The following ATP10A variants were observed in gnomAD, a reference collection of about 807,000 sequenced individuals.
The protein encoded by ATP10A is phospholipid-transporting ATPase VA.
ATP10A carries 111 observed loss-of-function variants against 147.8 expected under a neutral mutation model. That is an observed-to-expected ratio of 0.75 (90% CI 0.64 to 0.88). The LOEUF (loss-of-function observed/expected upper bound fraction) is 0.88, where lower values mean the gene tolerates loss of function less well. Ranked by LOEUF, ATP10A falls within the 40% of genes least tolerant of loss-of-function variation. The pLI, the probability that ATP10A is intolerant of heterozygous loss-of-function variation, is 0.00. For missense variants in ATP10A, 1,927 were observed against 1,959.0 expected (o/e 0.98, Z 0.31); for synonymous variants, 875 against 841.6 (o/e 1.04, Z -0.69).
intron 2 of ATP10A, among the ~76,000 whole-genome samples, chr15:25,779,160 C>T (rs780260903): frequency 6.6e-6 from 1 of 152,164 alleles, no homozygotes; most frequent in Non-Finnish European, 1.5e-5. Context: ...TACAGGCATG[C>T]GCCACCATGC....
In ATP10A at chr15:25,747,112, C is replaced by G. The variant is rs552757072; in HGVS notation, c.655-10971G>C. Among the ~76,000 whole-genome samples the G allele has an allele frequency of 4.6e-5, 7 of 152,078 alleles. No individual in the cohort carries two copies. The East Asian group carries it at 1.4e-3, about 29-fold the overall frequency. Reference sequence around the variant, plus strand: ...GGCCAGCCTGGCCAATATGATGAAACCCCATCTCTACTATAACTACAAAAC... The same window carrying G: ...GGCCAGCCTGGCCAATATGATGAAAGCCCATCTCTACTATAACTACAAAAC... On this transcript the variant is annotated intron_variant, in intron 2 of 20. Coordinates refer to ENST00000555815, the MANE Select transcript of ATP10A (RefSeq NM_024490.4).
intron 9 of ATP10A, among the ~76,000 whole-genome samples, chr15:25,714,965 T>TACACACACACAC (rs10523875): frequency 6.9e-6 from 1 of 145,612 alleles, no homozygotes. Context: ...ATGACACATA[T>TACACACACACAC]ACACACACAC....
intron 2 of ATP10A, among the ~76,000 whole-genome samples, chr15:25,776,881 C>T (rs1249323248): frequency 6.6e-6 from 1 of 152,164 alleles, no homozygotes; most frequent in Admixed American, 6.5e-5. Flanking sequence ...GAGACCTCTC[C>T]ATCCTGGCCT....
chr15:25,681,383 C>T (rs772559424), intron 17 of ATP10A, among the ~76,000 whole-genome samples: 22 of 152,170 alleles, frequency 1.4e-4, no homozygotes, highest in Non-Finnish European at 2.8e-4. Flanking sequence ...CATCTCAAAA[C>T]GATCATGAAA....
chr15:25,816,253 G>C lies in ATP10A; in HGVS notation c.450-35030C>G, dbSNP rs531973055. ...TATTTTGCTTTGTTTTTTTTGATGA[G>C]GGGTCTCACTTTGTTGACCAGGCTG... On this transcript the variant is annotated intron_variant, in intron 1 of 20. Coordinates refer to ENST00000555815, the MANE Select transcript of ATP10A (RefSeq NM_024490.4). Among the ~76,000 whole-genome samples, 22 of 149,960 alleles carry C rather than the reference G, an allele frequency of 1.5e-4. No homozygotes were observed. The East Asian group carries it at 2.5e-3, about 17-fold the overall frequency.
intron 1 of ATP10A, among the ~76,000 whole-genome samples, chr15:25,793,651 T>C (rs1280079311): frequency 2.6e-5 from 4 of 152,234 alleles, no homozygotes; most frequent in African/African-American, 9.6e-5. Context: ...TTGGTTAGCA[T>C]AGCATGCTTG....
Position 25,863,191 on chromosome 15 carries a change from C to G in ATP10A, c.-95G>C, listed in dbSNP as rs1034671661. The G allele has an allele frequency of 4.5e-6, 4 of 880,968 alleles. No individual in the cohort carries two copies. In the African/African-American group the frequency reaches 7.2e-5, roughly 16 times the overall value. The allele number at this position is 880,968 out of a possible 1,614,324, so 54.6% of individuals were successfully genotyped here. A position where few individuals can be genotyped will look rare whatever the true frequency, so the allele number is the denominator to read the frequency against. On this transcript the variant is annotated 5_prime_UTR_variant, in exon 1 of 21. Transcript: ENST00000555815. ...CACTCGCGGCCCGGGCGCGGCGGTG[C>G]GAGCTCCCCGCCTGCGGGACGCACG...
At chr15:25,811,328 G>C (rs1038203114) in intron 1 of ATP10A, among the ~76,000 whole-genome samples, 2 of 152,144 alleles carry the variant, frequency 1.3e-5, no homozygotes, top group Non-Finnish European at 2.9e-5. Context: ...TTTTCTTTCT[G>C]CCCAGTTCTA....
At chr15:25,803,878 GTGC>G (rs1276771979) in intron 1 of ATP10A, among the ~76,000 whole-genome samples, 1 of 152,228 alleles carries the variant, frequency 6.6e-6, no homozygotes, top group Non-Finnish European at 1.5e-5. Context: ...TGGCACGCAC[GTGC>G]TGCTGCTGGT....
chr15:25,806,115 T>TC (rs1254161674), intron 1 of ATP10A, among the ~76,000 whole-genome samples: 1 of 152,172 alleles, frequency 6.6e-6, no homozygotes, highest in Non-Finnish European at 1.5e-5. Context: ...GTGGTTTTTT[T>TC]CTAACAAAAG....
rs1005980546 is a variant in ATP10A, at chr15:25,775,882, C to T, written c.654+5137G>A. On this transcript the variant is annotated intron_variant, in intron 2 of 20. Coordinates refer to ENST00000555815, the MANE Select transcript of ATP10A (RefSeq NM_024490.4). ...GGACAGCCCTGTCCCCGCCTCACCC[C>T]GGCTGAAATTCCAACACTCATCTGA... 3.3e-5 allele frequency among the ~76,000 whole-genome samples: 5 copies of T among 152,376 alleles called. No individual in the cohort carries two copies. The East Asian group carries it at 7.7e-4, about 24-fold the overall frequency.
chr15:25,798,194 T>A (rs2317393), intron 1 of ATP10A, among the ~76,000 whole-genome samples: 1 of 151,878 alleles, frequency 6.6e-6, no homozygotes, highest in Non-Finnish European at 1.5e-5. Context: ...CCCTGGCAGG[T>A]GAGATGGACC....
Position 25,723,873 on chromosome 15 carries a change from G to T in ATP10A, c.1110+18C>A. 2 of 1,557,446 alleles carry T rather than the reference G, an allele frequency of 1.3e-6. No individual in the cohort carries two copies. Among genetic ancestry groups the T allele is most frequent in the South Asian group, 1.2e-5 (1 of 81,720 alleles). ...CATAAAAGTAAAGCAATTATTGTAC[G>T]ATACTTAGTATTGTTACCTGCAGAA... On this transcript the variant is annotated intron_variant, in intron 6 of 20. Coordinates refer to ENST00000555815, the MANE Select transcript of ATP10A (RefSeq NM_024490.4).
At chr15:25,792,597 G>A (rs1456909628) in intron 1 of ATP10A, among the ~76,000 whole-genome samples, 1 of 152,222 alleles carries the variant, frequency 6.6e-6, no homozygotes, top group African/African-American at 2.4e-5. Context: ...CAGCCTCTAT[G>A]TGGATGTCCA....
chr15:25,711,268 C>G (rs1385389), intron 10 of ATP10A, among the ~76,000 whole-genome samples: 9 of 152,114 alleles, frequency 5.9e-5, no homozygotes, highest in African/African-American at 2.2e-4. Context: ...CAGATTAAGT[C>G]TGGAGTGGGA....
At chr15:25,805,854 T>C (rs986861658) in intron 1 of ATP10A, among the ~76,000 whole-genome samples, 1 of 152,212 alleles carries the variant, frequency 6.6e-6, no homozygotes, top group African/African-American at 2.4e-5. Context: ...AAGGAAAATG[T>C]ATTTTGAAAT....
intron 2 of ATP10A, among the ~76,000 whole-genome samples, chr15:25,774,852 T>C (rs1177977392): frequency 6.6e-6 from 1 of 152,250 alleles, no homozygotes; most frequent in African/African-American, 2.4e-5. Context: ...AATAAAGTTA[T>C]TGTATTGTCA....
At chr15:25,708,477 T>TGC in intron 10 of ATP10A, 177 bp from the exon 11 acceptor site, 1 of 148,982 alleles carries the variant, frequency 6.7e-6, no homozygotes. Context: ...CATCAATATG[T>TGC]TTGACTGTTT....
At chr15:25,722,145 T>C (rs972998415) in intron 6 of ATP10A, among the ~76,000 whole-genome samples, 7 of 152,114 alleles carry the variant, frequency 4.6e-5, no homozygotes, top group African/African-American at 1.4e-4. Context: ...GGATCCACTA[T>C]GGTGTCTGGA....
Sources: gnomAD v4.1 joint callset for allele counts (sites outside exome capture counted in the v4.1 genomes callset) on GRCh38, gnomAD v4.1.1 for gene constraint, MANE v1.5 for transcripts, NCBI Gene and HGNC (gene_info 2026-07-23, HGNC 2026-07-21) for gene names.